The following ZFPM2 variants were observed in gnomAD, a reference collection of about 807,000 sequenced individuals.
ZFPM2 encodes the protein zinc finger protein, FOG family member 2.
ZFPM2 carries 20 observed loss-of-function variants against 98.6 expected under a neutral mutation model. That is an observed-to-expected ratio of 0.20 (90% CI 0.14 to 0.29). The LOEUF is 0.29. ZFPM2 is among the 10% of genes least tolerant of loss of function. ZFPM2 has a pLI of 1.00. For synonymous variants in ZFPM2, 518 were observed against 502.7 expected, an observed-to-expected ratio of 1.03 and a Z score of -0.41; for missense variants, 1,310 against 1,388.6, an observed-to-expected ratio of 0.94 and a Z score of 0.90.
intron 3 of ZFPM2, among the ~76,000 whole-genome samples, chr8:105,552,179 T>G (rs941349975): frequency 1.3e-5 from 2 of 152,100 alleles, no homozygotes; most frequent in African/African-American, 2.4e-5. Context: ...TTCTTTGGAG[T>G]TTTTCCTCCT....
At chr8:105,737,552 T>C (rs1419675326) in intron 5 of ZFPM2, 3 of 152,234 alleles carry the variant, frequency 2.0e-5, no homozygotes, top group Admixed American at 6.6e-5. Context: ...GCAAAAGGTA[T>C]CACCTCAATC....
intron 1 of ZFPM2, among the ~76,000 whole-genome samples, chr8:105,364,673 TG>T (rs1221899201): frequency 2.4e-4 from 35 of 148,032 alleles, no homozygotes; most frequent in African/African-American, 8.0e-4. Context: ...AAAAAAAAAA[TG>T]GATCCTTAGT....
At position 105,488,832 on chromosome 8, in the gene ZFPM2, G is replaced by C. The variant is rs1394113164; in HGVS notation, c.301+44451G>C. 5.0e-4 allele frequency among the ~76,000 whole-genome samples: 76 copies of C among 152,114 alleles called. 1 individual carries two copies. Among genetic ancestry groups the C allele is most frequent in the Non-Finnish European group, 8.8e-5 (6 of 68,014 alleles). The stretch of plus-strand genomic sequence containing the variant: ...AATTGGAGGAAAAGAGATTCTATGT[G>C]AACAAACCAGGCCTCTCAGATCTCT... On this transcript the variant is annotated intron_variant, in intron 3 of 7. Transcript: ENST00000407775.
intron 3 of ZFPM2, among the ~76,000 whole-genome samples, chr8:105,446,250 A>G (rs1363665230): frequency 2.0e-5 from 3 of 152,150 alleles, no homozygotes; most frequent in South Asian, 4.1e-4. Flanking sequence ...TTAAGTATGT[A>G]TATGTTAATT....
At chr8:105,578,729 G>A (rs1815522515) in intron 4 of ZFPM2, among the ~76,000 whole-genome samples, 1 of 152,134 alleles carries the variant, frequency 6.6e-6, no homozygotes, top group Non-Finnish European at 1.5e-5. Context: ...TGGGAATAAA[G>A]CAGATTCCAC....
chr8:105,524,505 A>T (rs1045619835), intron 3 of ZFPM2, among the ~76,000 whole-genome samples: 4 of 151,670 alleles, frequency 2.6e-5, no homozygotes, highest in Admixed American at 6.6e-5. Context: ...TCTCTCTCAC[A>T]CACACACACA....
intron 1 of ZFPM2, among the ~76,000 whole-genome samples, chr8:105,327,277 A>G (rs947703463): frequency 6.6e-6 from 1 of 151,712 alleles, no homozygotes; most frequent in Non-Finnish European, 1.5e-5. Context: ...AAAATTTGCA[A>G]AATTTTAAAA....
Position 105,536,084 on chromosome 8 carries a change from T to A in ZFPM2, c.302-25279T>A, listed in dbSNP as rs1814444549. Among the ~76,000 whole-genome samples, 4 of 152,150 alleles carry A rather than the reference T, an allele frequency of 2.6e-5. No individual in the cohort carries two copies. The South Asian group carries it at 8.3e-4, about 31-fold the overall frequency. Reference sequence around the variant, plus strand: ...GTTTAAACAAAGATGCAGTTTGAAATCACATTATAGTTTAAACAAAAATTC... The same window carrying A: ...GTTTAAACAAAGATGCAGTTTGAAAACACATTATAGTTTAAACAAAAATTC... On this transcript the variant is annotated intron_variant, in intron 3 of 7. Transcript: ENST00000407775.
chr8:105,670,393 G>A (rs1817571302), intron 5 of ZFPM2, among the ~76,000 whole-genome samples: 1 of 151,092 alleles, frequency 6.6e-6, no homozygotes, highest in African/African-American at 2.4e-5. Flanking sequence ...CTACTCGGGA[G>A]GTTGAGGCAG....
At chr8:105,475,653 C>G (rs917270232) in intron 3 of ZFPM2, among the ~76,000 whole-genome samples, 1 of 152,106 alleles carries the variant, frequency 6.6e-6, no homozygotes, top group African/African-American at 2.4e-5. Flanking sequence ...ATTAGAAAAG[C>G]GTTTTTAACA....
In ZFPM2 at chr8:105,455,643, A is replaced by T. The variant is rs571524780; in HGVS notation, c.301+11262A>T. On this transcript the variant is annotated intron_variant, in intron 3 of 7. Transcript: ENST00000407775. ...ACTATGTAGAGAGTGGACAGAAGGA[A>T]ATAAAAATTCACTGGCCTTATCAAG... 2.6e-5 allele frequency among the ~76,000 whole-genome samples: 4 copies of T among 152,350 alleles called. No individual in the cohort carries two copies. In the East Asian group the frequency reaches 7.7e-4, roughly 29 times the overall value.
intron 1 of ZFPM2, among the ~76,000 whole-genome samples, chr8:105,336,704 A>T (rs1292278519): frequency 1.3e-5 from 2 of 150,998 alleles, no homozygotes; most frequent in East Asian, 2.0e-4. Context: ...ACACACACAC[A>T]CACACACACA....
At chr8:105,682,429 T>G (rs894204479) in intron 5 of ZFPM2, among the ~76,000 whole-genome samples, 1 of 152,142 alleles carries the variant, frequency 6.6e-6, no homozygotes, top group Non-Finnish European at 1.5e-5. Context: ...GCATTTGAAC[T>G]ATGAGATTTT....
intron 3 of ZFPM2, among the ~76,000 whole-genome samples, chr8:105,498,065 G>C (rs539826481): frequency 2.0e-5 from 3 of 151,236 alleles, no homozygotes; most frequent in Non-Finnish European, 4.4e-5. Flanking sequence ...AGGTGTGGTG[G>C]TACATGCTTG....
intron 1 of ZFPM2, among the ~76,000 whole-genome samples, chr8:105,375,115 C>T (rs1179934076): frequency 1.3e-5 from 2 of 152,044 alleles, no homozygotes; most frequent in Non-Finnish European, 2.9e-5. Flanking sequence ...GTCCAATGGA[C>T]CTAAATTTTT....
At chr8:105,335,675 T>A (rs1420952738) in intron 1 of ZFPM2, among the ~76,000 whole-genome samples, 1 of 151,732 alleles carries the variant, frequency 6.6e-6, no homozygotes, top group Admixed American at 6.6e-5. Flanking sequence ...TTCATGATGA[T>A]AAAGTTAGTG....
intron 4 of ZFPM2, among the ~76,000 whole-genome samples, chr8:105,630,440 G>T (rs1816735969): frequency 6.6e-6 from 1 of 152,064 alleles, no homozygotes; most frequent in Admixed American, 6.6e-5. Context: ...TGTAATAACT[G>T]GTCCCTTGAG....
At chr8:105,618,861 G>C (rs1816472958) in intron 4 of ZFPM2, among the ~76,000 whole-genome samples, 1 of 151,886 alleles carries the variant, frequency 6.6e-6, no homozygotes, top group Non-Finnish European at 1.5e-5. Context: ...AATGAATAAG[G>C]CATGCTGAGA....
At chr8:105,384,755 G>A (rs1267665876) in intron 1 of ZFPM2, among the ~76,000 whole-genome samples, 1 of 152,146 alleles carries the variant, frequency 6.6e-6, no homozygotes, top group Non-Finnish European at 1.5e-5. Flanking sequence ...GCTCCTCTAA[G>A]TCCTTCCCAT....
Sources: gnomAD v4.1 joint callset for allele counts (sites outside exome capture counted in the v4.1 genomes callset) on GRCh38, gnomAD v4.1.1 for gene constraint, MANE v1.5 for transcripts, NCBI Gene and HGNC (gene_info 2026-07-23, HGNC 2026-07-21) for gene names.